Variants in RLIM observed in about 807,000 individuals in gnomAD.
The protein encoded by RLIM is ring finger protein, LIM domain interacting, also known as E3 ubiquitin-protein ligase RLIM.
A neutral mutation model predicts 34.0 loss-of-function variants in RLIM; 2 were observed. The observed-to-expected ratio is 0.06, with a 90% confidence interval of 0.02 to 0.19. The LOEUF (loss-of-function observed/expected upper bound fraction) is 0.19, where lower values mean the gene tolerates loss of function less well. Among genes scored for constraint, RLIM ranks in the 10% least tolerant of loss-of-function variants. RLIM has a pLI of 1.00. For missense variants in RLIM, 286 were observed against 479.7 expected (o/e 0.60, Z 3.77); for synonymous variants, 169 against 164.0 (o/e 1.03, Z -0.23).
At chrX:74,596,054 A>T in intron 1 of RLIM, 54 bp from the exon 2 acceptor site, 1 of 748,132 alleles carries the variant, frequency 1.3e-6, no homozygotes, top group Non-Finnish European at 1.9e-6. Context: ...TGTATTCTAT[A>T]CAAGTTTTAA....
Position 74,587,763 on chromosome X carries a change from C to T in RLIM, c.*3677G>A, listed in dbSNP as rs2079594173. The stretch of plus-strand genomic sequence containing the variant: ...AAATACAAAGCATATTATGTGATAA[C>T]CCTTCATAAATATAATTTGAGACAC... On this transcript the variant is annotated 3_prime_UTR_variant, in exon 4 of 4. Transcript: ENST00000332687. The T allele has an allele frequency of 9.0e-6, 1 of 111,637 alleles. No individual in the cohort carries two copies. The highest frequency in any genetic ancestry group is 3.7e-4 in the South Asian group (1 of 2,696). 9.2% of individuals were successfully genotyped at this position (111,637 alleles called of 1,213,427 possible). A position where few individuals can be genotyped will look rare whatever the true frequency, so the allele number is the denominator to read the frequency against.
rs1931310678 is a variant in RLIM, at chrX:74,584,961, C to A, written c.*6479G>T. On this transcript the variant is annotated 3_prime_UTR_variant, in exon 4 of 4. Coordinates refer to ENST00000332687, the MANE Select transcript of RLIM (RefSeq NM_016120.4). ...TGCCAATGACAGATAGCTCTGCAGG[C>A]ACCAGAGGAAATGAAACTATAATAC... Among the ~76,000 whole-genome samples, 1 of 112,022 alleles carries A rather than the reference C, an allele frequency of 8.9e-6. No homozygotes were observed. Among genetic ancestry groups the A allele is most frequent in the Non-Finnish European group, 1.9e-5 (1 of 53,258 alleles).
Position 74,583,432 on chromosome X carries a change from G to A in RLIM, c.*8008C>T, listed in dbSNP as rs1464146570. On this transcript the variant is annotated 3_prime_UTR_variant, in exon 4 of 4. Coordinates refer to ENST00000332687, the MANE Select transcript of RLIM (RefSeq NM_016120.4). ...ACTTGTGGCTGTGCATTAAGATGTT[G>A]CTGAGGATTGCAAACTCCCGCAGCA... The A allele has an allele frequency of 4.2e-6, 3 of 716,222 alleles. No individual in the cohort carries two copies. Among genetic ancestry groups the A allele is most frequent in the Non-Finnish European group, 6.8e-6 (3 of 442,484 alleles). 59.0% of individuals were successfully genotyped at this position (716,222 alleles called of 1,213,427 possible).
chrX:74,613,425 G>T (rs927847945), intron 1 of RLIM, among the ~76,000 whole-genome samples: 2 of 110,300 alleles, frequency 1.8e-5, no homozygotes, highest in Admixed American at 9.7e-5. Context: ...TAACAAGACT[G>T]CTAGGCCTCA....
intron 1 of RLIM, among the ~76,000 whole-genome samples, chrX:74,598,207 C>T (rs534761707): frequency 9.0e-6 from 1 of 111,709 alleles, no homozygotes; most frequent in Admixed American, 9.5e-5. Context: ...TTTTGCAGAC[C>T]CCAATGTAAG....
intron 3 of RLIM, 84 bp downstream of exon 3, chrX:74,594,222 G>T: frequency 1.5e-6 from 1 of 655,749 alleles, no homozygotes; most frequent in Non-Finnish European, 2.2e-6. Context: ...TGCCAAATCT[G>T]GATAATCTTT....
chrX:74,599,251 C>T (rs1012707248), intron 1 of RLIM, among the ~76,000 whole-genome samples: 4 of 111,845 alleles, frequency 3.6e-5, no homozygotes, highest in Admixed American at 9.5e-5. Flanking sequence ...ACTATTTGTA[C>T]GAGTTTAAGG....
rs763621272 is a variant in RLIM, at chrX:74,596,233, T to A, written c.-23-233A>T. On this transcript the variant is annotated intron_variant, in intron 1 of 3. Coordinates refer to ENST00000332687, the MANE Select transcript of RLIM (RefSeq NM_016120.4). ...GGCGAACTAAAGCCCTTGGGCCAAA[T>A]CCAGCCATACTGTGGTATTTTTTGT... Among the ~76,000 whole-genome samples, 23 of 112,086 alleles carry A rather than the reference T, an allele frequency of 2.1e-4. No homozygotes were observed. In the South Asian group the frequency reaches 3.0e-3, roughly 14 times the overall value.
At chrX:74,598,116 T>C (rs2079647099) in intron 1 of RLIM, among the ~76,000 whole-genome samples, 1 of 112,256 alleles carries the variant, frequency 8.9e-6, no homozygotes, top group Non-Finnish European at 1.9e-5. Flanking sequence ...CTTCATGTCC[T>C]GACAAAGTAA....
intron 3 of RLIM, among the ~76,000 whole-genome samples, chrX:74,593,529 G>A (rs2079626028): frequency 8.9e-6 from 1 of 112,456 alleles, no homozygotes; most frequent in Non-Finnish European, 1.9e-5. Flanking sequence ...TTAAAATACA[G>A]GACTATTTAT....
Position 74,594,291 on chromosome X carries a change from A to G in RLIM, c.253+15T>C, listed in dbSNP as rs1482029935. The G allele has an allele frequency of 5.1e-6, 6 of 1,181,191 alleles. No individual in the cohort carries two copies. In the Admixed American group the frequency reaches 9.6e-5, roughly 19 times the overall value. The stretch of plus-strand genomic sequence containing the variant: ...CCCATCGTCTATCCACCTCCCCACC[A>G]AAACCAAAACATACCTCTATTTTCA... On this transcript the variant is annotated intron_variant, in intron 3 of 3. Transcript: ENST00000332687.
Position 74,584,622 on chromosome X carries a change from G to A in RLIM, c.*6818C>T, listed in dbSNP as rs1331728106. ...GACAAGGTTTTGCTCTGTAACCCAG[G>A]CTGGAGTGCATCAGCATGATCATGG... On this transcript the variant is annotated 3_prime_UTR_variant, in exon 4 of 4. Coordinates refer to ENST00000332687, the MANE Select transcript of RLIM (RefSeq NM_016120.4). Among the ~76,000 whole-genome samples the A allele has an allele frequency of 9.0e-6, 1 of 110,678 alleles. No individual in the cohort carries two copies. The highest frequency in any genetic ancestry group is 1.9e-5 in the Non-Finnish European group (1 of 52,938).
chrX:74,592,313 C>A lies in RLIM; in HGVS notation c.1002G>T (p.Arg334=), dbSNP rs764370444. ...TTCTGCTGGCTATGCTATCTCTCTGCCGATATTCTCCAGGACGAACTCTTC... is the reference window on the plus strand; with the variant it reads ...TTCTGCTGGCTATGCTATCTCTCTGACGATATTCTCCAGGACGAACTCTTC... ...QVRRVRPGEY[R]QRDSIASRTR... Residue 334 remains arginine, a synonymous_variant, in exon 4 of 4, where the codon CGG becomes CGT. Coordinates refer to ENST00000332687, the MANE Select transcript of RLIM (RefSeq NM_016120.4). The A allele has an allele frequency of 5.0e-6, 6 of 1,211,347 alleles. No homozygotes were observed. The South Asian group carries it at 1.1e-4, about 21-fold the overall frequency.
intron 1 of RLIM, among the ~76,000 whole-genome samples, chrX:74,603,725 T>C: frequency 9.0e-6 from 1 of 111,584 alleles, no homozygotes; most frequent in East Asian, 2.8e-4. Flanking sequence ...TATATGTAAT[T>C]TTTCAAAATG....
intron 3 of RLIM, 151 bp from the exon 4 acceptor site, chrX:74,593,212 T>G (rs1244435162): frequency 5.3e-6 from 3 of 568,895 alleles, no homozygotes; most frequent in African/African-American, 4.6e-5. Context: ...CTGCATAAAT[T>G]TATAAGGTAA....
chrX:74,598,445 T>C (rs928475328), intron 1 of RLIM, among the ~76,000 whole-genome samples: 4 of 109,632 alleles, frequency 3.6e-5, no homozygotes, highest in African/African-American at 1.0e-4. Context: ...TTGGGCAACA[T>C]AGTGAGACCC....
intron 1 of RLIM, among the ~76,000 whole-genome samples, chrX:74,613,844 A>G (rs1328104050): frequency 9.1e-6 from 1 of 109,692 alleles, no homozygotes; most frequent in Non-Finnish European, 1.9e-5. Context: ...AGTAAACCAC[A>G]TTTGCCTCAG....
chrX:74,607,752 C>CA lies in RLIM; in HGVS notation c.-24+6669dup, dbSNP rs199570039. 7.5e-3 allele frequency among the ~76,000 whole-genome samples: 826 copies of CA among 110,547 alleles called. 5 individuals carry two copies. The highest frequency in any genetic ancestry group is 0.026 in the African/African-American group (786 of 30,325). ...ACCACACACCAAAAACACACACACACAAAAAAAACAAAAAAGAACTTCATA... is the reference window on the plus strand; with the variant it reads ...ACCACACACCAAAAACACACACACACAAAAAAAAACAAAAAAGAACTTCATA... On this transcript the variant is annotated intron_variant, in intron 1 of 3. Transcript: ENST00000332687.
chrX:74,604,893 T>A (rs1038377352), intron 1 of RLIM, among the ~76,000 whole-genome samples: 4 of 111,310 alleles, frequency 3.6e-5, no homozygotes, highest in African/African-American at 1.3e-4. Flanking sequence ...TGCTGCTGTC[T>A]CCTTTCCTGC....
Sources: gnomAD v4.1 joint callset for allele counts (sites outside exome capture counted in the v4.1 genomes callset) on GRCh38, gnomAD v4.1.1 for gene constraint, MANE v1.5 for transcripts, NCBI Gene and HGNC (gene_info 2026-07-23, HGNC 2026-07-21) for gene names.